PLEKHA2: variants seen among roughly 807,000 people sequenced by gnomAD.
PLEKHA2 encodes pleckstrin homology domain-containing family A member 2.
Under a neutral mutation model 53.2 loss-of-function variants are expected in PLEKHA2, and 28 were observed. That is an observed-to-expected ratio of 0.53 (90% CI 0.39 to 0.72). The LOEUF (loss-of-function observed/expected upper bound fraction) is 0.72, where lower values mean the gene tolerates loss of function less well. Among genes scored for constraint, PLEKHA2 ranks in the 30% least tolerant of loss-of-function variants. PLEKHA2 has a pLI of 0.00. For synonymous variants in PLEKHA2, 193 were observed against 196.4 expected (o/e 0.98, Z 0.14); for missense variants, 426 against 537.9 (o/e 0.79, Z 2.06).
chr8:38,944,757 G>C (rs1022827638), intron 4 of PLEKHA2, among the ~76,000 whole-genome samples: 3 of 152,100 alleles, frequency 2.0e-5, no homozygotes, highest in African/African-American at 7.2e-5. Context: ...ATGAGATTTG[G>C]GTAGGGACAC....
At chr8:38,943,959 A>AGT (rs1448889148) in intron 4 of PLEKHA2, 122 bp downstream of exon 4, 1 of 705,782 alleles carries the variant, frequency 1.4e-6, no homozygotes, top group East Asian at 3.3e-5. Context: ...CTTAAATCAC[A>AGT]GTGACGGTCC....
At chr8:38,943,751 C>G in intron 3 of PLEKHA2, 38 bp from the exon 4 acceptor site, 3 of 1,447,930 alleles carry the variant, frequency 2.1e-6, no homozygotes, top group Non-Finnish European at 2.8e-6. Flanking sequence ...CATTGTAAGA[C>G]ACATATTCAT....
rs184026473 is a variant in PLEKHA2, at chr8:38,902,933, C to T, written c.-24+1488C>T. Among the ~76,000 whole-genome samples, 22 of 152,304 alleles carry T rather than the reference C, an allele frequency of 1.4e-4. No individual in the cohort carries two copies. The East Asian group carries it at 3.7e-3, about 25-fold the overall frequency. On this transcript the variant is annotated intron_variant, in intron 1 of 11. Transcript: ENST00000617275. ...CATCATCATCATCTCAGACATTAGC[C>T]CTCTTCACCATGTGCCGCCTGAAGG...
intron 10 of PLEKHA2, among the ~76,000 whole-genome samples, chr8:38,960,097 A>G (rs1401993638): frequency 2.0e-5 from 3 of 152,206 alleles, no homozygotes; most frequent in African/African-American, 2.4e-5. Context: ...TGTTCCAAAG[A>G]TAATCTACAT....
At chr8:38,951,850 G>A (rs1001214660) in intron 6 of PLEKHA2, among the ~76,000 whole-genome samples, 7 of 152,054 alleles carry the variant, frequency 4.6e-5, no homozygotes, top group South Asian at 2.1e-4. Context: ...GGGACTACAC[G>A]CCTGGGTAAT....
At chr8:38,941,990 C>T (rs1237561103) in intron 3 of PLEKHA2, among the ~76,000 whole-genome samples, 2 of 152,202 alleles carry the variant, frequency 1.3e-5, no homozygotes, top group Non-Finnish European at 2.9e-5. Context: ...AGAGTAAGAA[C>T]CTAGACAGAC....
intron 1 of PLEKHA2, among the ~76,000 whole-genome samples, chr8:38,911,783 C>T (rs941632294): frequency 3.3e-5 from 5 of 151,870 alleles, no homozygotes; most frequent in African/African-American, 1.2e-4. Context: ...TGAAAACAGC[C>T]TGGGCTATGT....
chr8:38,944,270 G>A (rs1264220419), intron 4 of PLEKHA2, among the ~76,000 whole-genome samples: 6 of 151,932 alleles, frequency 3.9e-5, no homozygotes, highest in East Asian at 1.9e-4. Context: ...ATCCCAGCAC[G>A]TTGGGAGGCC....
chr8:38,927,212 A>G (rs554883723), intron 2 of PLEKHA2, among the ~76,000 whole-genome samples: 12 of 152,198 alleles, frequency 7.9e-5, no homozygotes, highest in Non-Finnish European at 1.2e-4. Flanking sequence ...CTAGTTATAT[A>G]CCAAAGAATG....
rs1409808080 is a variant in PLEKHA2, at chr8:38,972,790, C to A, written c.*3007C>A. On this transcript the variant is annotated 3_prime_UTR_variant, in exon 12 of 12. Transcript: ENST00000617275. ...CTGAGTTTTTTTTTTTTTAAAGGAACTAAAAAATGTACTGCATTTTCTTTG... is the reference window on the plus strand; with the variant it reads ...CTGAGTTTTTTTTTTTTTAAAGGAAATAAAAAATGTACTGCATTTTCTTTG... 1 of 150,734 alleles carries A rather than the reference C, an allele frequency of 6.6e-6. No homozygotes were observed. The highest frequency in any genetic ancestry group is 2.1e-4 in the South Asian group (1 of 4,782). 9.3% of individuals were successfully genotyped at this position (150,734 alleles called of 1,614,324 possible). A position where few individuals can be genotyped will look rare whatever the true frequency, so the allele number is the denominator to read the frequency against.
intron 2 of PLEKHA2, among the ~76,000 whole-genome samples, chr8:38,929,361 C>T (rs1834347057): frequency 6.6e-6 from 1 of 152,230 alleles, no homozygotes; most frequent in African/African-American, 2.4e-5. Context: ...CCTGCCCTGC[C>T]CAGCTTGGGC....
intron 11 of PLEKHA2, 60 bp downstream of exon 11, chr8:38,968,729 G>A (rs1013258538): frequency 2.5e-5 from 40 of 1,579,030 alleles, no homozygotes; most frequent in Non-Finnish European, 3.4e-5. Context: ...TCTCAAGCAG[G>A]CATGTTTTAT....
At chr8:38,923,961 C>T (rs1017210692) in intron 2 of PLEKHA2, among the ~76,000 whole-genome samples, 3 of 152,070 alleles carry the variant, frequency 2.0e-5, no homozygotes, top group Non-Finnish European at 2.9e-5. Flanking sequence ...AAGAAATTCT[C>T]GTGCCTCAGC....
At chr8:38,936,334 T>A (rs1327825541) in intron 3 of PLEKHA2, among the ~76,000 whole-genome samples, 1 of 152,174 alleles carries the variant, frequency 6.6e-6, no homozygotes, top group Non-Finnish European at 1.5e-5. Context: ...TATGTGGTGG[T>A]GGAGCTGGGG....
chr8:38,968,531 A>T, intron 10 of PLEKHA2, 61 bp from the exon 11 acceptor site: 1 of 1,520,946 alleles, frequency 6.6e-7, no homozygotes, highest in Non-Finnish European at 9.1e-7. Context: ...TGAGTCAGAG[A>T]CTTGGAAGCT....
Position 38,905,606 on chromosome 8 carries a change from C to G in PLEKHA2, c.-24+4161C>G, listed in dbSNP as rs767710148. 5.9e-5 allele frequency among the ~76,000 whole-genome samples: 9 copies of G among 152,142 alleles called. No individual in the cohort carries two copies. The South Asian group carries it at 1.2e-3, about 21-fold the overall frequency. On this transcript the variant is annotated intron_variant, in intron 1 of 11. Transcript: ENST00000617275. ...CAGAGCTAGGCCATTTACGCTCCCC[C>G]CTCACCACTCCCCTGCCCCACCCCC...
At position 38,970,630 on chromosome 8, in the gene PLEKHA2, C is replaced by G. The variant is rs1835229714; in HGVS notation, c.*847C>G. On this transcript the variant is annotated 3_prime_UTR_variant, in exon 12 of 12. Transcript: ENST00000617275. ...TGGCCAACATGGTGAAACCCCGCCT[C>G]TACTAAAAAATATGCAAAATTAGCC... The G allele has an allele frequency of 6.2e-6, 1 of 161,708 alleles. No individual in the cohort carries two copies. The highest frequency in any genetic ancestry group is 1.4e-5 in the Non-Finnish European group (1 of 72,952). The allele number at this position is 161,708 out of a possible 1,614,324, so 10.0% of individuals were successfully genotyped here. A position where few individuals can be genotyped will look rare whatever the true frequency, so the allele number is the denominator to read the frequency against.
rs779449444 is a variant in PLEKHA2 at position 38,952,688 on chromosome 8, A to G, written c.686A>G (p.Tyr229Cys). The G allele has an allele frequency of 5.0e-6, 8 of 1,612,242 alleles. No homozygotes were observed. The highest frequency in any genetic ancestry group is 6.8e-6 in the Non-Finnish European group (8 of 1,179,742). Residue 229 changes from tyrosine (Y) to cysteine (C), a missense_variant, in exon 8 of 12, where the codon TAC becomes TGC. Coordinates refer to ENST00000617275, the MANE Select transcript of PLEKHA2 (RefSeq NM_021623.2). ...FFALDDFTICYFKCEQDREPL... is the reference protein window; with the variant it reads ...FFALDDFTICCFKCEQDREPL... ...GCACTTGATGACTTTACCATCTGCT[A>G]CTTCAAGTGTGAGCAGGTTTGTAGT...
intron 9 of PLEKHA2, among the ~76,000 whole-genome samples, chr8:38,956,865 A>G (rs1275853457): frequency 6.6e-6 from 1 of 152,130 alleles, no homozygotes; most frequent in African/African-American, 2.4e-5. Flanking sequence ...TCATCTGTAA[A>G]ATGGGGGAAG....
Sources: gnomAD v4.1 joint callset for allele counts (sites outside exome capture counted in the v4.1 genomes callset) on GRCh38, gnomAD v4.1.1 for gene constraint, MANE v1.5 for transcripts, NCBI Gene and HGNC (gene_info 2026-07-23, HGNC 2026-07-21) for gene names.